Variants in ANKFN1 observed in about 807,000 individuals in gnomAD.
The protein encoded by ANKFN1 is ankyrin repeat and fibronectin type III domain containing 1.
In ANKFN1, 74 loss-of-function variants were observed where a neutral mutation model predicts 108.7. The ratio of observed to expected loss-of-function variants is 0.68; its 90% CI spans 0.56 to 0.83. ANKFN1 has a LOEUF of 0.83. Ranked by LOEUF, ANKFN1 falls within the 40% of genes least tolerant of loss-of-function variation. The pLI is 0.00. For synonymous variants in ANKFN1, 547 were observed against 516.2 expected (o/e 1.06, Z -0.81); for missense variants, 1,505 against 1,382.3 (o/e 1.09, Z -1.41).
chr17:56,129,601 C>T (rs1395039489), intron 4 of ANKFN1, among the ~76,000 whole-genome samples: 1 of 151,830 alleles, frequency 6.6e-6, no homozygotes, highest in African/African-American at 2.4e-5. Context: ...GAACTTTACC[C>T]ATGTATTTTT....
intron 8 of ANKFN1, among the ~76,000 whole-genome samples, chr17:56,376,471 A>AGT (rs879825483): frequency 1.3e-5 from 2 of 152,296 alleles, no homozygotes; most frequent in Admixed American, 6.5e-5. Context: ...CCAAGACTGA[A>AGT]ATTCAGAGCA....
chr17:56,287,982 G>C (rs1265761534), intron 3 of ANKFN1, among the ~76,000 whole-genome samples: 3 of 152,086 alleles, frequency 2.0e-5, no homozygotes, highest in Non-Finnish European at 2.9e-5. Flanking sequence ...GTTACCCTCA[G>C]ATGCCATTTA....
intron 8 of ANKFN1, among the ~76,000 whole-genome samples, chr17:56,439,412 T>C (rs2049030185): frequency 6.6e-6 from 1 of 151,868 alleles, no homozygotes; most frequent in Non-Finnish European, 1.5e-5. Flanking sequence ...TTTTTACTGA[T>C]GATGCACAAT....
intron 8 of ANKFN1, among the ~76,000 whole-genome samples, chr17:56,418,991 A>G (rs2048320190): frequency 1.3e-5 from 2 of 152,200 alleles, no homozygotes; most frequent in South Asian, 4.1e-4. Context: ...GGATTAGAGT[A>G]ACATGCTGAG....
intron 4 of ANKFN1, among the ~76,000 whole-genome samples, chr17:56,057,426 T>A (rs970476956): frequency 6.6e-6 from 1 of 152,204 alleles, no homozygotes; most frequent in African/African-American, 2.4e-5. Flanking sequence ...ATTTCTTAAA[T>A]ACTAAGACTT....
At chr17:56,140,298 A>C (rs1220811149) in intron 4 of ANKFN1, among the ~76,000 whole-genome samples, 1 of 152,146 alleles carries the variant, frequency 6.6e-6, no homozygotes, top group Non-Finnish European at 1.5e-5. Context: ...GAATTTGTCC[A>C]TTAATACCCA....
At chr17:56,087,796 C>T (rs1170213527) in intron 4 of ANKFN1, among the ~76,000 whole-genome samples, 1 of 151,322 alleles carries the variant, frequency 6.6e-6, no homozygotes, top group East Asian at 1.9e-4. Context: ...ATTTGTGTGC[C>T]TATAATCCAT....
At chr17:56,293,452 A>G (rs1001022629) in intron 3 of ANKFN1, among the ~76,000 whole-genome samples, 2 of 152,206 alleles carry the variant, frequency 1.3e-5, no homozygotes, top group Non-Finnish European at 2.9e-5. Context: ...TAGGCTTCAG[A>G]TGGGTGAGTA....
At chr17:56,482,263 A>G (rs987395689) in intron 17 of ANKFN1, 93 bp from the exon 18 acceptor site, 70 of 1,175,076 alleles carry the variant, frequency 6.0e-5, no homozygotes, top group Non-Finnish European at 1.5e-5. Context: ...AAGTTGTGTA[A>G]TTTTGTGAGA....
At chr17:56,426,675 T>A (rs2048579649) in intron 8 of ANKFN1, among the ~76,000 whole-genome samples, 1 of 152,228 alleles carries the variant, frequency 6.6e-6, no homozygotes, top group Non-Finnish European at 1.5e-5. Flanking sequence ...TGCTAGGATA[T>A]GCAATGTATG....
At chr17:56,051,912 A>G (rs1904783351) in intron 4 of ANKFN1, among the ~76,000 whole-genome samples, 2 of 150,388 alleles carry the variant, frequency 1.3e-5, no homozygotes, top group Admixed American at 1.3e-4. Flanking sequence ...GCTCAAAGAA[A>G]TAAAAGAGGA....
At chr17:56,154,560 G>A (rs936278535) in intron 1 of ANKFN1, among the ~76,000 whole-genome samples, 3 of 151,404 alleles carry the variant, frequency 2.0e-5, no homozygotes, top group Admixed American at 2.0e-4. Flanking sequence ...AACTGCTTAT[G>A]GAACCTCTGA....
chr17:56,132,890 C>T lies in ANKFN1; in HGVS notation c.288+86565C>T, dbSNP rs182754231. Among the ~76,000 whole-genome samples the T allele has an allele frequency of 3.3e-3, 508 of 152,234 alleles. 2 individuals carry two copies. Among genetic ancestry groups the T allele is most frequent in the Admixed American group, 7.9e-3 (121 of 15,286 alleles). Reference sequence around the variant, plus strand: ...TCCCAAAGACTCCACCTCCTAATACCATCACCTTGGTAATTAGGTTTTAAG... The same window carrying T: ...TCCCAAAGACTCCACCTCCTAATACTATCACCTTGGTAATTAGGTTTTAAG... On this transcript the variant is annotated intron_variant, in intron 4 of 12. Transcript: ENST00000635860.
At chr17:56,121,573 AAAG>A (rs1478813165) in intron 4 of ANKFN1, among the ~76,000 whole-genome samples, 5 of 152,008 alleles carry the variant, frequency 3.3e-5, no homozygotes, top group African/African-American at 1.2e-4. Flanking sequence ...ATGTCACATC[AAAG>A]AAGGACAGTG....
intron 10 of ANKFN1, among the ~76,000 whole-genome samples, chr17:56,444,601 T>A (rs1472604156): frequency 6.6e-6 from 1 of 152,204 alleles, no homozygotes; most frequent in Non-Finnish European, 1.5e-5. Flanking sequence ...GGAGATAACC[T>A]TTATCAGACT....
chr17:56,454,619 CT>C (rs1370139209), intron 11 of ANKFN1, among the ~76,000 whole-genome samples: 1 of 152,184 alleles, frequency 6.6e-6, no homozygotes, highest in African/African-American at 2.4e-5. Flanking sequence ...CTGGCACCAC[CT>C]TTCCATTGAG....
chr17:56,511,012 A>T lies in ANKFN1; in HGVS notation c.3184A>T (p.Arg1062Trp), dbSNP rs903176834. 1.3e-6 allele frequency: 2 copies of T among 1,535,900 alleles called. No homozygotes were observed. The highest frequency in any genetic ancestry group is 1.7e-6 in the Non-Finnish European group (2 of 1,146,892). ...KRAGPALDDP[R>W]GLTLAHAASL... ...GGCCGGCCCTGCCCTTGATGATCCCAGGGGCCTAACTCTGGCCCACGCTGC... is the reference window on the plus strand; with the variant it reads ...GGCCGGCCCTGCCCTTGATGATCCCTGGGGCCTAACTCTGGCCCACGCTGC... Residue 1062 changes from arginine to tryptophan, a missense_variant, in exon 21 of 21, where the codon AGG (arginine) becomes TGG (tryptophan). By Grantham distance (101) the Arg-to-Trp change is moderately radical. Transcript: ENST00000682825.
At chr17:56,049,962 G>A (rs1040038933) in intron 4 of ANKFN1, among the ~76,000 whole-genome samples, 11 of 152,108 alleles carry the variant, frequency 7.2e-5, no homozygotes, top group East Asian at 1.9e-4. Context: ...CTGAGGAATC[G>A]CCACACTGAC....
intron 1 of ANKFN1, among the ~76,000 whole-genome samples, chr17:56,165,552 C>G (rs1276112107): frequency 6.6e-6 from 1 of 152,154 alleles, no homozygotes; most frequent in Non-Finnish European, 1.5e-5. Context: ...AATGTCTACA[C>G]CAATAGTCAG....
Sources: allele counts gnomAD v4.1 joint callset (sites outside exome capture counted in the v4.1 genomes callset), GRCh38; gene constraint gnomAD v4.1.1; transcripts MANE v1.5; gene names NCBI Gene and HGNC (gene_info 2026-07-23, HGNC 2026-07-21).